Variants in LAMA3 observed in about 807,000 individuals in gnomAD.
The protein encoded by LAMA3 is laminin subunit alpha-3.
Under a neutral mutation model 402.0 loss-of-function variants are expected in LAMA3, and 281 were observed. The ratio of observed to expected loss-of-function variants is 0.70; its 90% CI spans 0.63 to 0.77. The LOEUF (loss-of-function observed/expected upper bound fraction) is 0.77. LAMA3 is among the 30% of genes least tolerant of loss of function. LAMA3 has a pLI of 0.00. For missense variants in LAMA3, 3,840 were observed against 4,215.5 expected, an observed-to-expected ratio of 0.91 and a Z score of 2.47; for synonymous variants, 1,431 against 1,558.4, an observed-to-expected ratio of 0.92 and a Z score of 1.93.
chr18:23,794,037 T>TG (rs1234151834), intron 12 of LAMA3, among the ~76,000 whole-genome samples: 1 of 152,234 alleles, frequency 6.6e-6, no homozygotes, highest in Non-Finnish European at 1.5e-5. Flanking sequence ...AGACGAGATA[T>TG]GGGGGAAGAG....
At chr18:23,774,421 A>G (rs533709823) in intron 9 of LAMA3, among the ~76,000 whole-genome samples, 1 of 152,344 alleles carries the variant, frequency 6.6e-6, no homozygotes, top group African/African-American at 2.4e-5. Context: ...CCTCATTTTT[A>G]GATACGGAGA....
intron 39 of LAMA3, among the ~76,000 whole-genome samples, chr18:23,880,884 A>G (rs2064873481): frequency 6.6e-6 from 1 of 152,242 alleles, no homozygotes; most frequent in African/African-American, 2.4e-5. Flanking sequence ...CTGAAAACAA[A>G]ACAAAACAAA....
At chr18:23,711,705 A>G (rs1264665114) in intron 1 of LAMA3, among the ~76,000 whole-genome samples, 1 of 152,164 alleles carries the variant, frequency 6.6e-6, no homozygotes, top group Non-Finnish European at 1.5e-5. Context: ...CTCTTTCCTC[A>G]TCTGTAAAAT....
rs573511727 is a variant in LAMA3 at position 23,799,467 on chromosome 18, G to A, written c.1604-10899G>A. ...TTCACAATTTTAAAACACTGCAAAT[G>A]CTTTTAAGTTCAAGTCTTTGTTTTT... On this transcript the variant is annotated intron_variant, in intron 12 of 74. Coordinates refer to ENST00000313654, the MANE Select transcript of LAMA3 (RefSeq NM_198129.4). Among the ~76,000 whole-genome samples the A allele has an allele frequency of 2.6e-5, 4 of 152,302 alleles. No individual in the cohort carries two copies. The East Asian group carries it at 7.7e-4, about 29-fold the overall frequency.
At chr18:23,875,937 C>T (rs1332512716) in intron 38 of LAMA3, among the ~76,000 whole-genome samples, 3 of 152,178 alleles carry the variant, frequency 2.0e-5, no homozygotes, top group Admixed American at 6.5e-5. Context: ...AACCAAACAG[C>T]TTGAGAGAAA....
chr18:23,729,111 ATT>A (rs1188544775), intron 2 of LAMA3, among the ~76,000 whole-genome samples: 1 of 107,626 alleles, frequency 9.3e-6, no homozygotes, highest in East Asian at 2.5e-4. Context: ...CATATGATGT[ATT>A]GTGTGTGTAT....
intron 1 of LAMA3, among the ~76,000 whole-genome samples, chr18:23,691,614 C>G (rs1280570633): frequency 6.6e-6 from 1 of 152,156 alleles, no homozygotes; most frequent in Non-Finnish European, 1.5e-5. Context: ...CTCTATTACC[C>G]AGGCTGGAGT....
At chr18:23,691,306 C>T (rs1476430779) in intron 1 of LAMA3, among the ~76,000 whole-genome samples, 1 of 151,876 alleles carries the variant, frequency 6.6e-6, no homozygotes, top group African/African-American at 2.4e-5. Flanking sequence ...TATTTTAAAA[C>T]ATGCAAAAAC....
At chr18:23,705,570 G>A (rs1205343342) in intron 1 of LAMA3, among the ~76,000 whole-genome samples, 1 of 151,872 alleles carries the variant, frequency 6.6e-6, no homozygotes, top group Non-Finnish European at 1.5e-5. Context: ...CATCACCCAG[G>A]CTGTAGTGCA....
intron 2 of LAMA3, among the ~76,000 whole-genome samples, chr18:23,717,270 A>G (rs2145926541): frequency 6.6e-6 from 1 of 152,300 alleles, no homozygotes; most frequent in East Asian, 1.9e-4. Context: ...GAGAGGTTAG[A>G]TTTCATAATT....
intron 2 of LAMA3, among the ~76,000 whole-genome samples, chr18:23,726,457 C>T (rs2145976019): frequency 6.6e-6 from 1 of 152,226 alleles, no homozygotes; most frequent in Non-Finnish European, 1.5e-5. Context: ...ACCCGCACTG[C>T]CAGGATTGGG....
intron 37 of LAMA3, among the ~76,000 whole-genome samples, chr18:23,869,948 G>T (rs989988336): frequency 6.6e-6 from 1 of 151,706 alleles, no homozygotes; most frequent in Non-Finnish European, 1.5e-5. Context: ...CACACCTGCA[G>T]TCAGGAGTTT....
In LAMA3 at chr18:23,836,990, CCGGAGTGCTGTGATTGATCA is replaced by C; in HGVS notation, c.2996_3015del (p.Arg999HisfsTer8). The C allele has an allele frequency of 6.2e-7, 1 of 1,613,148 alleles. No individual in the cohort carries two copies. Among genetic ancestry groups the C allele is most frequent in the East Asian group, 2.2e-5 (1 of 44,880 alleles). On this transcript the variant is annotated frameshift_variant, in exon 25 of 75. Transcript: ENST00000313654. LOFTEE classifies it high-confidence loss of function. Reference sequence around the variant, plus strand: ...CTGTTTTCTCTTGCAGTGTTCTCTGCCGGAGTGCTGTGATTGATCACATGAGCCGCATCGCCATGTATGAG... The same window carrying C: ...CTGTTTTCTCTTGCAGTGTTCTCTGCCATGAGCCGCATCGCCATGTATGAG...
chr18:23,757,735 C>G (rs1258390818), intron 6 of LAMA3, among the ~76,000 whole-genome samples: 1 of 152,208 alleles, frequency 6.6e-6, no homozygotes, highest in Non-Finnish European at 1.5e-5. Context: ...GAGCTCAAAG[C>G]TTGGAGTTCC....
At chr18:23,778,333 C>A (rs1363495620) in intron 11 of LAMA3, among the ~76,000 whole-genome samples, 3 of 152,188 alleles carry the variant, frequency 2.0e-5, no homozygotes, top group African/African-American at 7.2e-5. Flanking sequence ...AAATTCCCAG[C>A]TTTCTTGGAG....
intron 25 of LAMA3, among the ~76,000 whole-genome samples, chr18:23,837,570 G>A (rs951872908): frequency 1.2e-5 from 1 of 83,284 alleles, no homozygotes; most frequent in East Asian, 3.3e-4. Flanking sequence ...CAGTTAATCA[G>A]ATATATATAT....
intron 12 of LAMA3, among the ~76,000 whole-genome samples, chr18:23,786,121 A>G (rs2062540504): frequency 2.6e-5 from 4 of 152,264 alleles, no homozygotes; most frequent in Admixed American, 2.6e-4. Context: ...AAGAGCATAT[A>G]GCAAATGAAG....
chr18:23,898,788 A>C lies in LAMA3; in HGVS notation c.5664A>C (p.Ile1888=), dbSNP rs556283698. The stretch of plus-strand genomic sequence containing the variant: ...CCATTTCAAATCATGGATCAAAAAT[A>C]GAAGGCCTGGAAAGAGAACTGACTG... ...RSAISNHGSK[I]EGLERELTDL... Residue 1888 remains isoleucine (I), a synonymous_variant, in exon 45 of 75, where the codon ATA becomes ATC. Transcript: ENST00000313654. 1.4e-4 allele frequency: 225 copies of C among 1,612,770 alleles called. No individual in the cohort carries two copies. In the South Asian group the frequency reaches 2.4e-3, roughly 17 times the overall value.
intron 2 of LAMA3, among the ~76,000 whole-genome samples, chr18:23,725,909 G>T (rs1480565621): frequency 6.6e-6 from 1 of 152,162 alleles, no homozygotes; most frequent in African/African-American, 2.4e-5. Flanking sequence ...CAGATTCAGC[G>T]CACCATGCAT....
Sources: allele counts gnomAD v4.1 joint callset (sites outside exome capture counted in the v4.1 genomes callset), GRCh38; gene constraint gnomAD v4.1.1; transcripts MANE v1.5; gene names NCBI Gene and HGNC (gene_info 2026-07-23, HGNC 2026-07-21).